Variants in CCDC171 observed in about 807,000 individuals in gnomAD.
The protein encoded by CCDC171 is coiled-coil domain-containing protein 171.
Under a neutral mutation model 168.2 loss-of-function variants are expected in CCDC171, and 177 were observed. The ratio of observed to expected loss-of-function variants is 1.05; its 90% CI spans 0.93 to 1.19. The LOEUF (loss-of-function observed/expected upper bound fraction) is 1.19, where lower values mean the gene tolerates loss of function less well. Among genes scored for constraint, CCDC171 ranks in the 50% most tolerant of loss-of-function variants. The pLI is 0.00. For missense variants in CCDC171, 1,991 were observed against 1,539.0 expected (o/e 1.29, Z -4.91); for synonymous variants, 687 against 540.8 (o/e 1.27, Z -3.75).
rs1158550250 is a variant in CCDC171, at chr9:15,553,237, C to G, written c.-177C>G. On this transcript the variant is annotated 5_prime_UTR_variant, in exon 1 of 26. Transcript: ENST00000380701. Reference sequence around the variant, plus strand: ...CGTGGGCTGCCTGGGCCTCCTTTCACCCGTGAGACTTGGAGCGGCCCCTGG... The same window carrying G: ...CGTGGGCTGCCTGGGCCTCCTTTCAGCCGTGAGACTTGGAGCGGCCCCTGG... 1.3e-5 allele frequency: 2 copies of G among 152,828 alleles called. No individual in the cohort carries two copies. The highest frequency in any genetic ancestry group is 2.4e-5 in the African/African-American group (1 of 41,436). 9.5% of individuals were successfully genotyped at this position (152,828 alleles called of 1,614,324 possible). A position where few individuals can be genotyped will look rare whatever the true frequency, so the allele number is the denominator to read the frequency against.
chr9:16,091,323 A>G, the CCDC171 span, among the ~76,000 whole-genome samples: 2 of 152,212 alleles, frequency 1.3e-5, no homozygotes, highest in Non-Finnish European at 2.9e-5. Context: ...AAAAGAAATG[A>G]GATAATTAGA....
At chr9:15,715,518 A>T (rs577730910) in intron 11 of CCDC171, among the ~76,000 whole-genome samples, 2 of 152,214 alleles carry the variant, frequency 1.3e-5, no homozygotes, top group African/African-American at 4.8e-5. Context: ...AACTCATTTG[A>T]ACATTATTTC....
At chr9:15,794,826 G>A (rs916977271) in intron 21 of CCDC171, among the ~76,000 whole-genome samples, 3 of 152,190 alleles carry the variant, frequency 2.0e-5, no homozygotes, top group South Asian at 2.1e-4. Context: ...CAATGTAGTC[G>A]TGATGATTTT....
At chr9:15,676,403 G>A (rs201926962) in intron 9 of CCDC171, among the ~76,000 whole-genome samples, 2 of 151,708 alleles carry the variant, frequency 1.3e-5, no homozygotes, top group Non-Finnish European at 2.9e-5. Flanking sequence ...TTCTCCATCC[G>A]GTTTTGTTCT....
chr9:15,931,802 G>T (rs955099506), intron 25 of CCDC171, among the ~76,000 whole-genome samples: 1 of 151,654 alleles, frequency 6.6e-6, no homozygotes, highest in South Asian at 2.1e-4. Context: ...TTTGGATATG[G>T]TAAGAGGTAG....
chr9:15,576,109 A>G (rs1480565012), intron 3 of CCDC171, among the ~76,000 whole-genome samples: 1 of 102,978 alleles, frequency 9.7e-6, no homozygotes, highest in African/African-American at 3.6e-5. Context: ...AAAAAATTAT[A>G]GCTACATATA....
chr9:15,693,932 A>C (rs2051015344), intron 10 of CCDC171, among the ~76,000 whole-genome samples: 1 of 152,116 alleles, frequency 6.6e-6, no homozygotes, highest in Non-Finnish European at 1.5e-5. Flanking sequence ...CAAGAAAAAA[A>C]ATTCAGGCTT....
intron 24 of CCDC171, among the ~76,000 whole-genome samples, chr9:15,905,906 T>A (rs1822517121): frequency 1.3e-5 from 2 of 152,098 alleles, no homozygotes; most frequent in Admixed American, 1.3e-4. Context: ...TCTACGCAAA[T>A]AAACTAGAAA....
Position 15,745,520 on chromosome 9 carries a change from C to G in CCDC171, c.2560C>G (p.Gln854Glu), listed in dbSNP as rs751672155. ...GGATTTTTTCAATTTTATAGAACATCAAAAGGAGCAGTTGCGTTGTTTACA... is the reference window on the plus strand; with the variant it reads ...GGATTTTTTCAATTTTATAGAACATGAAAAGGAGCAGTTGCGTTGTTTACA... ...PQDKHKFPKH[Q>E]KEQLRCLQAL... Residue 854 changes from glutamine to glutamate, a missense_variant, in exon 18 of 26, where the codon CAA (glutamine) becomes GAA (glutamate). Gln to Glu is a conservative substitution (Grantham distance 29, BLOSUM62 2). Transcript: ENST00000380701. The G allele has an allele frequency of 6.5e-7, 1 of 1,544,238 alleles. No homozygotes were observed. Among genetic ancestry groups the G allele is most frequent in the South Asian group, 1.2e-5 (1 of 80,078 alleles).
At chr9:15,822,108 G>T (rs893103926) in intron 21 of CCDC171, among the ~76,000 whole-genome samples, 2 of 152,130 alleles carry the variant, frequency 1.3e-5, no homozygotes, top group Non-Finnish European at 2.9e-5. Context: ...AATAAATGGT[G>T]CTGGGAAAAC....
In CCDC171 at chr9:15,778,931, A is replaced by G. The variant is rs776152575; in HGVS notation, c.2899-37A>G. On this transcript the variant is annotated intron_variant, in intron 19 of 25. Transcript: ENST00000380701. ...TTATTGCTATTGTTAGTAAATCTGTAGTTACTGTTTATAAAATTGCTCTTG... is the reference window on the plus strand; with the variant it reads ...TTATTGCTATTGTTAGTAAATCTGTGGTTACTGTTTATAAAATTGCTCTTG... 4 of 1,364,284 alleles carry G rather than the reference A, an allele frequency of 2.9e-6. No individual in the cohort carries two copies. The South Asian group carries it at 7.6e-5, about 26-fold the overall frequency. 84.5% of individuals were successfully genotyped at this position (1,364,284 alleles called of 1,614,324 possible).
chr9:15,835,890 G>A (rs2060425198), intron 21 of CCDC171, among the ~76,000 whole-genome samples: 1 of 152,000 alleles, frequency 6.6e-6, no homozygotes, highest in African/African-American at 2.4e-5. Flanking sequence ...TTTATCATAT[G>A]TATATTAAAA....
chr9:15,963,400 A>G (rs1371016758), intron 25 of CCDC171, among the ~76,000 whole-genome samples: 1 of 152,208 alleles, frequency 6.6e-6, no homozygotes, highest in East Asian at 1.9e-4. Context: ...TTCAGTGAAC[A>G]TACCTGCATG....
At chr9:15,618,570 G>GA (rs1034012563) in intron 6 of CCDC171, among the ~76,000 whole-genome samples, 6 of 152,116 alleles carry the variant, frequency 3.9e-5, no homozygotes, top group African/African-American at 7.2e-5. Flanking sequence ...ACTGGCATAC[G>GA]AAAAAACTCC....
chr9:15,631,412 G>GA (rs1587582042), intron 7 of CCDC171, among the ~76,000 whole-genome samples: 2 of 152,138 alleles, frequency 1.3e-5, no homozygotes, highest in Non-Finnish European at 2.9e-5. Flanking sequence ...AAATAAACTA[G>GA]AAAATCTTGA....
intron 23 of CCDC171, among the ~76,000 whole-genome samples, chr9:15,853,715 A>G (rs570287595): frequency 2.5e-4 from 38 of 151,690 alleles, no homozygotes; most frequent in Admixed American, 2.0e-3. Context: ...ATTAAGCATG[A>G]TATTAGCTGT....
chr9:15,623,750 A>C (rs2044780960), intron 7 of CCDC171, among the ~76,000 whole-genome samples: 1 of 152,158 alleles, frequency 6.6e-6, no homozygotes, highest in South Asian at 2.1e-4. Flanking sequence ...CAACACAGGA[A>C]AAGTTTTGGT....
chr9:15,632,137 T>A lies in CCDC171; in HGVS notation c.822+8724T>A, dbSNP rs931341801. Reference sequence around the variant, plus strand: ...AGACAGGGATGCCCTCTCTCACCACTCCTATTCAACATAGTGTTGGAAGTT... The same window carrying A: ...AGACAGGGATGCCCTCTCTCACCACACCTATTCAACATAGTGTTGGAAGTT... On this transcript the variant is annotated intron_variant, in intron 7 of 25. Coordinates refer to ENST00000380701, the MANE Select transcript of CCDC171 (RefSeq NM_173550.4). Among the ~76,000 whole-genome samples, 527 of 151,118 alleles carry A rather than the reference T, an allele frequency of 3.5e-3. 4 individuals carry two copies. The highest frequency in any genetic ancestry group is 0.012 in the African/African-American group (516 of 41,298).
chr9:15,581,185 C>G (rs1435252114), intron 4 of CCDC171, among the ~76,000 whole-genome samples: 2 of 152,080 alleles, frequency 1.3e-5, no homozygotes, highest in Admixed American at 6.6e-5. Flanking sequence ...TTCACAATTG[C>G]TACAAACAGA....
Sources: allele counts gnomAD v4.1 joint callset (sites outside exome capture counted in the v4.1 genomes callset), GRCh38; gene constraint gnomAD v4.1.1; transcripts MANE v1.5; gene names NCBI Gene and HGNC (gene_info 2026-07-23, HGNC 2026-07-21).